The following TMEM132D variants were observed in gnomAD, a reference collection of about 807,000 sequenced individuals.
TMEM132D encodes mature OL transmembrane protein.
TMEM132D carries 21 observed loss-of-function variants against 62.3 expected under a neutral mutation model. The observed-to-expected ratio is 0.34, with a 90% confidence interval of 0.24 to 0.49. The LOEUF (loss-of-function observed/expected upper bound fraction) is 0.49, where lower values mean the gene tolerates loss of function less well. TMEM132D is among the 20% of genes least tolerant of loss of function. The pLI is 0.99. For missense variants in TMEM132D, 1,346 were observed against 1,402.8 expected (o/e 0.96, Z 0.65); for synonymous variants, 621 against 575.6 (o/e 1.08, Z -1.13).
intron 3 of TMEM132D, among the ~76,000 whole-genome samples, chr12:129,363,176 G>T (rs1870304704): frequency 1.3e-5 from 2 of 152,156 alleles, no homozygotes; most frequent in East Asian, 3.9e-4. Context: ...AGCGTCTTTG[G>T]TGTCTAGCCT....
At chr12:129,432,096 C>T (rs1019277665) in intron 3 of TMEM132D, among the ~76,000 whole-genome samples, 1 of 151,902 alleles carries the variant, frequency 6.6e-6, no homozygotes, top group African/African-American at 2.4e-5. Context: ...AATTATGTTG[C>T]ATATGGATGA....
intron 3 of TMEM132D, among the ~76,000 whole-genome samples, chr12:129,472,484 C>A (rs563047333): frequency 6.6e-6 from 1 of 152,108 alleles, no homozygotes; most frequent in East Asian, 1.9e-4. Context: ...CTAATGCATG[C>A]GGGGCTTAAA....
At chr12:129,138,415 T>C (rs1876647349) in intron 5 of TMEM132D, among the ~76,000 whole-genome samples, 1 of 151,952 alleles carries the variant, frequency 6.6e-6, no homozygotes, top group Non-Finnish European at 1.5e-5. Flanking sequence ...CTAAAGAAAA[T>C]ATTGCAAGAA....
At chr12:129,731,615 C>T (rs1250085441) in intron 1 of TMEM132D, among the ~76,000 whole-genome samples, 1 of 151,878 alleles carries the variant, frequency 6.6e-6, no homozygotes, top group Non-Finnish European at 1.5e-5. Context: ...ACTGAAGGTG[C>T]AGTGGGCCGA....
intron 4 of TMEM132D, among the ~76,000 whole-genome samples, chr12:129,300,461 G>A (rs541019101): frequency 3.8e-4 from 58 of 152,342 alleles, no homozygotes; most frequent in African/African-American, 1.4e-3. Flanking sequence ...CAATGCACCT[G>A]TTAAGGTTTT....
At chr12:129,717,685 T>C (rs1023110411) in intron 1 of TMEM132D, among the ~76,000 whole-genome samples, 1 of 150,390 alleles carries the variant, frequency 6.6e-6, no homozygotes, top group South Asian at 2.1e-4. Context: ...ATTTTAATAT[T>C]TTATTAAATT....
At chr12:129,809,205 G>A (rs1872089377) in intron 1 of TMEM132D, among the ~76,000 whole-genome samples, 1 of 151,998 alleles carries the variant, frequency 6.6e-6, no homozygotes, top group South Asian at 2.1e-4. Flanking sequence ...ATATTCGGGA[G>A]GCTGAGGCAG....
chr12:129,479,823 C>T (rs1235372551), intron 3 of TMEM132D, among the ~76,000 whole-genome samples: 14 of 41,798 alleles, frequency 3.3e-4, no homozygotes, highest in Non-Finnish European at 8.9e-5. Flanking sequence ...GAAGAAAGTT[C>T]TCACTGTGTC....
rs79367051 is a variant in TMEM132D, at chr12:129,116,865, C to T, written c.1444-32163G>A. On this transcript the variant is annotated intron_variant, in intron 5 of 8. Coordinates refer to ENST00000422113, the MANE Select transcript of TMEM132D (RefSeq NM_133448.3). ...ACGAAATTAAACATATCTTGCCATT[C>T]AACCAAGCAACTGTCCTCCTTGGCA... is the stretch of plus-strand genomic sequence containing the variant. Among the ~76,000 whole-genome samples, 1,108 of 124,988 alleles carry T rather than the reference C, an allele frequency of 8.9e-3. 14 individuals are homozygous for T. Among genetic ancestry groups the T allele is most frequent in the African/African-American group, 0.032 (1,051 of 32,934 alleles). 82.0% of individuals were successfully genotyped at this position (124,988 alleles called of 152,430 possible). A position where few individuals can be genotyped will look rare whatever the true frequency, so the allele number is the denominator to read the frequency against.
At chr12:129,137,106 CCACCACCAT>C (rs1876597657) in intron 5 of TMEM132D, among the ~76,000 whole-genome samples, 1 of 145,460 alleles carries the variant, frequency 6.9e-6, no homozygotes, top group Non-Finnish European at 1.5e-5. Flanking sequence ...ACCACCATCA[CCACCACCAT>C]CATCACCATC....
rs148309266 is a variant in TMEM132D at position 129,167,937 on chromosome 12, G to A, written c.1443+41583C>T. Among the ~76,000 whole-genome samples, 1,106 of 152,002 alleles carry A rather than the reference G, an allele frequency of 7.3e-3. 18 individuals are homozygous for A. Among genetic ancestry groups the A allele is most frequent in the Non-Finnish European group, 7.6e-3 (515 of 67,854 alleles). ...TCACCATCGAGAAATGTTTATGAATGGTTGGAGGGAAGCTTTTAGAGGAAG... is the reference window on the plus strand; with the variant it reads ...TCACCATCGAGAAATGTTTATGAATAGTTGGAGGGAAGCTTTTAGAGGAAG... On this transcript the variant is annotated intron_variant, in intron 5 of 8. Coordinates refer to ENST00000422113, the MANE Select transcript of TMEM132D (RefSeq NM_133448.3).
intron 1 of TMEM132D, among the ~76,000 whole-genome samples, chr12:129,845,660 T>G (rs1873336737): frequency 6.6e-6 from 1 of 152,216 alleles, no homozygotes; most frequent in Non-Finnish European, 1.5e-5. Context: ...AAAATCACTA[T>G]TATAAACAGT....
At chr12:129,706,560 C>T (rs970241204) in intron 1 of TMEM132D, among the ~76,000 whole-genome samples, 2 of 151,870 alleles carry the variant, frequency 1.3e-5, no homozygotes, top group African/African-American at 2.4e-5. Flanking sequence ...TACATACCTC[C>T]TTTTCCGGTC....
At chr12:129,551,184 T>C (rs992458794) in intron 2 of TMEM132D, among the ~76,000 whole-genome samples, 2 of 152,360 alleles carry the variant, frequency 1.3e-5, no homozygotes, top group Non-Finnish European at 1.5e-5. Flanking sequence ...CCCCAGCCAT[T>C]GTGGAGTAGA....
intron 7 of TMEM132D, among the ~76,000 whole-genome samples, chr12:129,081,031 C>T (rs934209039): frequency 1.3e-5 from 2 of 152,120 alleles, no homozygotes; most frequent in African/African-American, 2.4e-5. Context: ...TCGGTAGGGG[C>T]GGCCACAATA....
intron 4 of TMEM132D, among the ~76,000 whole-genome samples, chr12:129,215,519 G>A (rs1879176157): frequency 1.3e-5 from 2 of 152,152 alleles, no homozygotes; most frequent in Admixed American, 1.3e-4. Flanking sequence ...AAAAAAATAA[G>A]AAGAACTAAG....
chr12:129,621,535 C>CA (rs1879067608), intron 2 of TMEM132D, among the ~76,000 whole-genome samples: 1 of 152,068 alleles, frequency 6.6e-6, no homozygotes, highest in Non-Finnish European at 1.5e-5. Context: ...CACCGATGCA[C>CA]CCAGTGAATG....
intron 4 of TMEM132D, among the ~76,000 whole-genome samples, chr12:129,285,206 A>C (rs528891182): frequency 1.1e-4 from 17 of 152,220 alleles, no homozygotes; most frequent in African/African-American, 3.6e-4. Flanking sequence ...ATGCAGAAGC[A>C]AATCAACAGG....
chr12:129,321,711 A>G (rs1349752857), intron 4 of TMEM132D, among the ~76,000 whole-genome samples: 1 of 151,942 alleles, frequency 6.6e-6, no homozygotes, highest in African/African-American at 2.4e-5. Context: ...GGCGCCCGCC[A>G]CCACGCCCAG....
Sources: allele counts gnomAD v4.1 joint callset (sites outside exome capture counted in the v4.1 genomes callset), GRCh38; gene constraint gnomAD v4.1.1; transcripts MANE v1.5; gene names NCBI Gene and HGNC (gene_info 2026-07-23, HGNC 2026-07-21).